Variants in MTCL2 observed in about 807,000 individuals in gnomAD.
The protein encoded by MTCL2 is microtubule crosslinking factor 2.
At chr20:36,781,041 C>T in the MTCL2 span, 2 of 152,360 alleles carry the variant, frequency 1.3e-5, no homozygotes, top group South Asian at 2.1e-4. Context: ...ATGGGAATTA[C>T]ACCAGTTAGA....
chr20:36,820,580 G>A, the MTCL2 span, among the ~76,000 whole-genome samples: 1 of 152,204 alleles, frequency 6.6e-6, no homozygotes, highest in African/African-American at 2.4e-5. Context: ...GGTGGCTCAT[G>A]CCTGTAATTC....
the MTCL2 span, among the ~76,000 whole-genome samples, chr20:36,831,704 C>T: frequency 6.6e-6 from 1 of 152,248 alleles, no homozygotes; most frequent in Non-Finnish European, 1.5e-5. Flanking sequence ...GCTCCTCCCA[C>T]AGCCTCTCTG....
chr20:36,811,152 T>C, the MTCL2 span, among the ~76,000 whole-genome samples: 2 of 152,362 alleles, frequency 1.3e-5, no homozygotes, highest in East Asian at 3.9e-4. Flanking sequence ...ATATCTTCTA[T>C]ATCTGTTTTG....
At chr20:36,858,583 T>G in the MTCL2 span, among the ~76,000 whole-genome samples, 3 of 150,700 alleles carry the variant, frequency 2.0e-5, no homozygotes, top group Non-Finnish European at 4.4e-5. Flanking sequence ...TGTATTAACA[T>G]TCTAAAACTA....
the MTCL2 span, among the ~76,000 whole-genome samples, chr20:36,833,079 A>AC: frequency 1.3e-5 from 2 of 152,206 alleles, no homozygotes; most frequent in African/African-American, 4.8e-5. Context: ...AGGAAAGGTC[A>AC]CTTCCCAAGG....
At chr20:36,855,537 G>A in the MTCL2 span, among the ~76,000 whole-genome samples, 6 of 152,168 alleles carry the variant, frequency 3.9e-5, no homozygotes, top group South Asian at 4.1e-4. Flanking sequence ...GGGAGTGAAC[G>A]TGACCATGGA....
At chr20:36,777,987 A>C in the MTCL2 span, 1 of 515,210 alleles carries the variant, frequency 1.9e-6, no homozygotes, top group Non-Finnish European at 3.4e-6. Flanking sequence ...GCCTATGGTG[A>C]GGTTCCCAAG....
chr20:36,828,914 T>C, the MTCL2 span: 1 of 853,992 alleles, frequency 1.2e-6, no homozygotes. Context: ...GTTGGAGGAA[T>C]GAATGAATAA....
chr20:36,840,882 C>T, the MTCL2 span, among the ~76,000 whole-genome samples: 3 of 151,904 alleles, frequency 2.0e-5, no homozygotes, highest in Non-Finnish European at 4.4e-5. Flanking sequence ...CAACTATGTA[C>T]GTCCTAGGTA....
chr20:36,809,578 C>CTT, the MTCL2 span, among the ~76,000 whole-genome samples: 49 of 124,154 alleles, frequency 3.9e-4, no homozygotes, highest in African/African-American at 7.8e-4. Context: ...TTCTTTCATT[C>CTT]TTTTTTTTTT....
the MTCL2 span, among the ~76,000 whole-genome samples, chr20:36,854,427 G>A: frequency 1.3e-5 from 2 of 152,166 alleles, no homozygotes; most frequent in Non-Finnish European, 2.9e-5. Flanking sequence ...CTGCTGCTGG[G>A]GCTGAGCGCT....
the MTCL2 span, among the ~76,000 whole-genome samples, chr20:36,842,941 G>A: frequency 2.4e-4 from 36 of 152,196 alleles, no homozygotes; most frequent in African/African-American, 7.0e-4. Context: ...CTGGAGAGCC[G>A]GATTCCTCAG....
At chr20:36,784,562 T>C in the MTCL2 span, 1 of 985,342 alleles carries the variant, frequency 1.0e-6, no homozygotes, top group East Asian at 1.1e-4. Context: ...CCACTCTGGG[T>C]CCCCAGTCAG....
the MTCL2 span, chr20:36,778,093 C>A: frequency 2.8e-5 from 11 of 397,628 alleles, no homozygotes; most frequent in Non-Finnish European, 4.9e-5. Context: ...AAAACCAAGA[C>A]AAGTGAGAGA....
the MTCL2 span, chr20:36,779,799 T>G: frequency 6.6e-6 from 1 of 152,088 alleles, no homozygotes; most frequent in Admixed American, 6.6e-5. Context: ...GAGGCAGCAG[T>G]GCTGGGAAGA....
At chr20:36,859,952 C>G in the MTCL2 span, 12 of 1,225,216 alleles carry the variant, frequency 9.8e-6, no homozygotes, top group Non-Finnish European at 1.2e-5. Context: ...CACAGTTTTC[C>G]CATCTGTGGA....
the MTCL2 span, among the ~76,000 whole-genome samples, chr20:36,822,041 C>A: frequency 1.3e-5 from 2 of 152,256 alleles, no homozygotes; most frequent in African/African-American, 4.8e-5. Flanking sequence ...GAGTTCCACC[C>A]TTTTCTGGTA....
the MTCL2 span, chr20:36,786,196 G>A: frequency 1.4e-5 from 15 of 1,065,814 alleles, no homozygotes; most frequent in African/African-American, 1.3e-4. Context: ...AGGACCCAGG[G>A]ATCGGCTCTT....
chr20:36,834,550 ACCCTGG>A, the MTCL2 span, among the ~76,000 whole-genome samples: 5 of 151,970 alleles, frequency 3.3e-5, no homozygotes, highest in African/African-American at 1.2e-4. Context: ...ATTTTTATCC[ACCCTGG>A]GAGGCTGAGA....
Sources: gnomAD v4.1 joint callset for allele counts (sites outside exome capture counted in the v4.1 genomes callset) on GRCh38, gnomAD v4.1.1 for gene constraint, MANE v1.5 for transcripts, NCBI Gene and HGNC (gene_info 2026-07-23, HGNC 2026-07-21) for gene names.